The following PTPRT variants were observed in gnomAD, a reference collection of about 807,000 sequenced individuals.
PTPRT encodes protein tyrosine phosphatase receptor type T.
In PTPRT, 56 loss-of-function variants were observed where a neutral mutation model predicts 176.8. The ratio of observed to expected loss-of-function variants is 0.32; its 90% CI spans 0.26 to 0.40. The LOEUF is 0.40. PTPRT is among the 10% of genes least tolerant of loss of function. The pLI, the probability that PTPRT is intolerant of heterozygous loss-of-function variation, is 1.00. For synonymous variants in PTPRT, 783 were observed against 739.0 expected (o/e 1.06, Z -0.96); for missense variants, 1,540 against 1,908.2 (o/e 0.81, Z 3.60).
At position 42,817,207 on chromosome 20, in the gene PTPRT, T is replaced by C. The variant is rs530642445; in HGVS notation, c.215-25741A>G. Among the ~76,000 whole-genome samples, 4 of 152,272 alleles carry C rather than the reference T, an allele frequency of 2.6e-5. No homozygotes were observed. The East Asian group carries it at 7.7e-4, about 29-fold the overall frequency. On this transcript the variant is annotated intron_variant, in intron 2 of 30. Coordinates refer to ENST00000373187, the MANE Select transcript of PTPRT (RefSeq NM_007050.6). ...AATAAGTCAAGAAAAGCACTTTAAG[T>C]AAACTACTTACACATGTAGAAATAA...
At chr20:42,051,997 C>T in the PTPRT span, among the ~76,000 whole-genome samples, 1 of 152,208 alleles carries the variant, frequency 6.6e-6, no homozygotes, top group Non-Finnish European at 1.5e-5. Flanking sequence ...ACAGATTATA[C>T]TGATTGATGT....
chr20:43,040,450 A>T (rs1279639564), intron 1 of PTPRT, among the ~76,000 whole-genome samples: 2 of 152,232 alleles, frequency 1.3e-5, no homozygotes, highest in Non-Finnish European at 2.9e-5. Flanking sequence ...TAAAACAATA[A>T]ATATTTTTAA....
intron 2 of PTPRT, among the ~76,000 whole-genome samples, chr20:42,883,932 A>G (rs969744371): frequency 1.6e-4 from 22 of 140,816 alleles, no homozygotes; most frequent in Middle Eastern, 4.0e-3. Context: ...GTACACAGGC[A>G]TGCACACACA....
rs1193819638 is a variant in PTPRT, at chr20:42,109,285, A to AGAT, written c.3254+1045_3254+1047dup. 5.3e-5 allele frequency among the ~76,000 whole-genome samples: 8 copies of AGAT among 152,340 alleles called. No individual in the cohort carries two copies. In the East Asian group the frequency reaches 5.8e-4, roughly 11 times the overall value. On this transcript the variant is annotated intron_variant, in intron 23 of 30. Coordinates refer to ENST00000373187, the MANE Select transcript of PTPRT (RefSeq NM_007050.6). Reference sequence around the variant, plus strand: ...TAACTCAAGCATCCAGGGTCTGAAAAGATGGGCTGCCCCAAGGTCATATTG... The same window carrying AGAT: ...TAACTCAAGCATCCAGGGTCTGAAAAGATGATGGGCTGCCCCAAGGTCATATTG...
intron 1 of PTPRT, among the ~76,000 whole-genome samples, chr20:43,051,484 A>T (rs966555332): frequency 6.6e-6 from 1 of 152,176 alleles, no homozygotes; most frequent in African/African-American, 2.4e-5. Context: ...TCTTAAACAA[A>T]TCTAAATCAT....
intron 2 of PTPRT, among the ~76,000 whole-genome samples, chr20:42,860,235 C>T (rs1181844006): frequency 2.0e-5 from 3 of 151,992 alleles, no homozygotes; most frequent in Non-Finnish European, 4.4e-5. Context: ...ACACACACAC[C>T]CCTCTGTTTT....
intron 1 of PTPRT, among the ~76,000 whole-genome samples, chr20:43,154,671 A>G (rs1203504675): frequency 6.6e-6 from 1 of 152,152 alleles, no homozygotes; most frequent in Non-Finnish European, 1.5e-5. Flanking sequence ...CTGGGCAGTG[A>G]TTTTTTTGGA....
intron 1 of PTPRT, among the ~76,000 whole-genome samples, chr20:42,922,357 A>T (rs1338096922): frequency 6.6e-6 from 1 of 152,130 alleles, no homozygotes; most frequent in African/African-American, 2.4e-5. Flanking sequence ...TGTGCATCTC[A>T]TCTAAGCCCA....
chr20:43,166,350 T>C (rs1001283335), intron 1 of PTPRT, among the ~76,000 whole-genome samples: 6 of 151,674 alleles, frequency 4.0e-5, no homozygotes, highest in Admixed American at 1.3e-4. Context: ...AAACCCTCTA[T>C]GGATCTGTAG....
intron 2 of PTPRT, among the ~76,000 whole-genome samples, chr20:42,856,563 A>G (rs73271775): frequency 0.032 from 4,871 of 152,140 alleles, 203 homozygotes; most frequent in African/African-American, 0.097. Context: ...GTTGTTCAAG[A>G]CCGGGAGTGT....
At chr20:42,064,897 A>T in the PTPRT span, among the ~76,000 whole-genome samples, 1 of 152,228 alleles carries the variant, frequency 6.6e-6, no homozygotes. Context: ...GTCAGGTGGG[A>T]AAAGGTTACT....
intron 6 of PTPRT, chr20:42,688,506 C>G (rs1485469098): frequency 1.3e-5 from 2 of 152,258 alleles, no homozygotes; most frequent in Non-Finnish European, 2.9e-5. Flanking sequence ...TTTGCACTGA[C>G]AGCCTTTCAT....
intron 6 of PTPRT, among the ~76,000 whole-genome samples, chr20:42,684,189 C>T (rs1001405800): frequency 4.6e-5 from 7 of 152,108 alleles, no homozygotes; most frequent in African/African-American, 1.7e-4. Flanking sequence ...CCTGTCTCTA[C>T]TAAAAATTAG....
intron 13 of PTPRT, among the ~76,000 whole-genome samples, chr20:42,272,918 GACTT>G (rs1474075748): frequency 6.6e-6 from 1 of 152,136 alleles, no homozygotes; most frequent in Non-Finnish European, 1.5e-5. Context: ...AGGCTTTCTT[GACTT>G]ACTTTGCAAC....
At chr20:42,136,626 C>A (rs1007251881) in intron 18 of PTPRT, among the ~76,000 whole-genome samples, 1 of 152,080 alleles carries the variant, frequency 6.6e-6, no homozygotes, top group Non-Finnish European at 1.5e-5. Flanking sequence ...TTGAGAGGGG[C>A]AAGCACCAAG....
intron 2 of PTPRT, among the ~76,000 whole-genome samples, chr20:42,827,080 AAGG>A (rs763971053): frequency 2.0e-5 from 3 of 152,172 alleles, no homozygotes; most frequent in Non-Finnish European, 4.4e-5. Context: ...AGAGACCTAC[AAGG>A]AGATTTCAAG....
intron 1 of PTPRT, among the ~76,000 whole-genome samples, chr20:42,932,669 A>G (rs1164625928): frequency 6.6e-6 from 1 of 152,184 alleles, no homozygotes; most frequent in Non-Finnish European, 1.5e-5. Context: ...AATCCTGGCA[A>G]ACCACGACAG....
intron 15 of PTPRT, among the ~76,000 whole-genome samples, chr20:42,212,416 CAAAAAAA>C: frequency 1.1e-5 from 1 of 90,594 alleles, no homozygotes; most frequent in African/African-American, 3.7e-5. Flanking sequence ...TCTTTTTTCT[CAAAAAAA>C]AAAAAAAAAA....
chr20:42,429,114 G>A (rs748049361), intron 9 of PTPRT, among the ~76,000 whole-genome samples: 28 of 152,144 alleles, frequency 1.8e-4, no homozygotes, highest in Non-Finnish European at 3.2e-4. Context: ...TAGTAGTCAG[G>A]TCATCTCAGG....
Sources: allele counts gnomAD v4.1 joint callset (sites outside exome capture counted in the v4.1 genomes callset), GRCh38; gene constraint gnomAD v4.1.1; transcripts MANE v1.5; gene names NCBI Gene and HGNC (gene_info 2026-07-23, HGNC 2026-07-21).